C1QL3: variants seen among roughly 807,000 people sequenced by gnomAD.
C1QL3 encodes the protein complement C1q-like protein 3.
In C1QL3, 4 loss-of-function variants were observed where a neutral mutation model predicts 16.6. That is an observed-to-expected ratio of 0.24 (90% CI 0.12 to 0.55). The LOEUF is 0.55. Among genes scored for constraint, C1QL3 ranks in the 20% least tolerant of loss-of-function variants. The probability of loss-of-function intolerance (pLI) is 0.94; values close to 1 mark genes in which losing one functional copy is unlikely to be tolerated. For synonymous variants in C1QL3, 189 were observed against 160.2 expected (o/e 1.18, Z -1.36); for missense variants, 269 against 365.6 (o/e 0.74, Z 2.16).
Position 16,521,761 on chromosome 10 carries a change from C to G in C1QL3, c.-696G>C, listed in dbSNP as rs1397344448. The G allele has an allele frequency of 6.5e-6, 1 of 153,630 alleles. No individual in the cohort carries two copies. The highest frequency in any genetic ancestry group is 1.5e-5 in the Non-Finnish European group (1 of 68,964). The allele number at this position is 153,630 out of a possible 1,614,324, so 9.5% of individuals were successfully genotyped here. On this transcript the variant is annotated 5_prime_UTR_variant, in exon 1 of 2. Coordinates refer to ENST00000298943, the MANE Select transcript of C1QL3 (RefSeq NM_001010908.2). ...GGCGGGCACGGTCGGCACGGCGAGG[C>G]TCAGAGCTGGGGCGGAGGAGCGAGC...
chr10:16,514,630 C>T lies in C1QL3; in HGVS notation c.666G>A (p.Glu222=), dbSNP rs1200012308. 6.2e-7 allele frequency: 1 copy of T among 1,613,942 alleles called. No individual in the cohort carries two copies. Among genetic ancestry groups the T allele is most frequent in the South Asian group, 1.1e-5 (1 of 91,078 alleles). ...YASNSVVLHL[E]PGDEVYIKLD... is the part of the protein sequence containing the mutation. ...ATTTGATATAGACTTCATCTCCCGG[C>T]TCCAAATGAAGAACCACACTGTTAC... Residue 222 remains glutamate, a synonymous_variant, in exon 2 of 2, where the codon GAG becomes GAA. Transcript: ENST00000298943.
intron 1 of C1QL3, among the ~76,000 whole-genome samples, chr10:16,517,460 G>T (rs942054423): frequency 6.6e-6 from 1 of 152,002 alleles, no homozygotes; most frequent in Non-Finnish European, 1.5e-5. Flanking sequence ...GTTTTCATTC[G>T]AGTGGCTTAT....
intron 1 of C1QL3, among the ~76,000 whole-genome samples, chr10:16,516,527 A>G (rs1182891771): frequency 6.6e-6 from 1 of 152,068 alleles, no homozygotes; most frequent in African/African-American, 2.4e-5. Context: ...CCCATAATAT[A>G]CTCCTCAGCT....
chr10:16,521,082 C>G lies in C1QL3; in HGVS notation c.-17G>C. 6.3e-7 allele frequency: 1 copy of G among 1,587,846 alleles called. No individual in the cohort carries two copies. The highest frequency in any genetic ancestry group is 8.5e-7 in the Non-Finnish European group (1 of 1,173,474). On this transcript the variant is annotated 5_prime_UTR_variant, in exon 1 of 2. Coordinates refer to ENST00000298943, the MANE Select transcript of C1QL3 (RefSeq NM_001010908.2). ...CAGCACCATCACCACCCCCAGCGCC[C>G]CGGCGGCGATCAGGCGCCTCCTGCT... is the stretch of plus-strand genomic sequence containing the variant.
In C1QL3 at chr10:16,520,731, G is replaced by A; in HGVS notation, c.335C>T (p.Ala112Val). 1.3e-6 allele frequency: 2 copies of A among 1,506,280 alleles called. No homozygotes were observed. The highest frequency in any genetic ancestry group is 8.9e-7 in the Non-Finnish European group (1 of 1,125,224). 93.3% of individuals were successfully genotyped at this position (1,506,280 alleles called of 1,614,324 possible). The change falls in exon 1 of 2, where the codon GCG becomes GTG. Residue 112 changes from alanine (A) to valine (V), a missense_variant. Ala to Val is a moderately conservative substitution (Grantham distance 64, BLOSUM62 0). This residue lies in a region of C1QL3 where 246 missense variants were observed against 297.2 expected (regional missense o/e 0.83). Transcript: ENST00000298943. This position sits in a 1 kb window ranked among gnomAD's most constrained non-coding sequence, Gnocchi z 8.3. Reference sequence around the variant, plus strand: ...GGTGGCGGCGCTGATGGCCCCGGCCGCGTTCAGGCCGGGCGCCCCGGGCGG... The same window carrying A: ...GGTGGCGGCGCTGATGGCCCCGGCCACGTTCAGGCCGGGCGCCCCGGGCGG... ...PGPPGAPGLN[A>V]AGAISAATYS...
Position 16,514,144 on chromosome 10 carries a change from C to T in C1QL3, c.*384G>A. On this transcript the variant is annotated 3_prime_UTR_variant, in exon 2 of 2. Coordinates refer to ENST00000298943, the MANE Select transcript of C1QL3 (RefSeq NM_001010908.2). ...CCAAGTATCATAATAAGCAGGTAAA[C>T]TCACAAGAACCAAAGCTGACATATG... is the stretch of plus-strand genomic sequence containing the variant. 2.5e-6 allele frequency: 1 copy of T among 398,104 alleles called. No homozygotes were observed. The highest frequency in any genetic ancestry group is 3.6e-5 in the East Asian group (1 of 28,044). 24.7% of individuals were successfully genotyped at this position (398,104 alleles called of 1,614,324 possible). A position where few individuals can be genotyped will look rare whatever the true frequency, so the allele number is the denominator to read the frequency against.
chr10:16,520,472 G>T lies in C1QL3; in HGVS notation c.588+6C>A, dbSNP rs1166406943. 2 of 1,066,934 alleles carry T rather than the reference G, an allele frequency of 1.9e-6. No homozygotes were observed. Among genetic ancestry groups the T allele is most frequent in the Non-Finnish European group, 2.6e-6 (2 of 766,676 alleles). The allele number at this position is 1,066,934 out of a possible 1,614,324, so 66.1% of individuals were successfully genotyped here. A position where few individuals can be genotyped will look rare whatever the true frequency, so the allele number is the denominator to read the frequency against. On this transcript the variant is annotated splice_donor_region_variant and intron_variant, in intron 1 of 1. Transcript: ENST00000298943. The surrounding 1 kb of genome is among the most constrained non-coding windows in gnomAD (Gnocchi z 8.3). ...CCCGCCCTCCCCGCCGCCCGCCCGCGCTCACCTGGTTGTTTTTGCAGAGAT... is the reference window on the plus strand; with the variant it reads ...CCCGCCCTCCCCGCCGCCCGCCCGCTCTCACCTGGTTGTTTTTGCAGAGAT...
Position 16,520,441 on chromosome 10 carries a change from T to TCCCCACCCCC in C1QL3, c.588+36_588+37insGGGGGTGGGG. 8.1e-7 allele frequency: 1 copy of TCCCCACCCCC among 1,227,530 alleles called. No individual in the cohort carries two copies. The highest frequency in any genetic ancestry group is 1.1e-6 in the Non-Finnish European group (1 of 881,042). The allele number at this position is 1,227,530 out of a possible 1,614,324, so 76.0% of individuals were successfully genotyped here. A position where few individuals can be genotyped will look rare whatever the true frequency, so the allele number is the denominator to read the frequency against. ...CCCTCTCGCCCGCACCTTCCCGCGC[T>TCCCCACCCCC]CCCTCCCCGCCCTCCCCGCCGCCCG... On this transcript the variant is annotated intron_variant, in intron 1 of 1. Transcript: ENST00000298943. This position sits in a 1 kb window ranked among gnomAD's most constrained non-coding sequence, Gnocchi z 8.3.
rs755247100 is a variant in C1QL3 at position 16,520,909 on chromosome 10, G to T, written c.157C>A (p.Gln53Lys). Residue 53 changes from glutamine (Q) to lysine (K), a missense_variant, in exon 1 of 2, where the codon CAG (glutamine) becomes AAG (lysine). Physicochemically the swap from Gln to Lys is moderately conservative, Grantham distance 53. Coordinates refer to ENST00000298943, the MANE Select transcript of C1QL3 (RefSeq NM_001010908.2). This position sits in a 1 kb window ranked among gnomAD's most constrained non-coding sequence, Gnocchi z 8.3. ...TAATPDRGLM[Q>K]SLPTFIQGPK... is the part of the protein sequence containing the mutation. ...CCCTGGATGAAGGTGGGCAGGGACT[G>T]CATGAGGCCGCGGTCGGGCGTGGCA... 1.3e-5 allele frequency: 20 copies of T among 1,556,862 alleles called. No homozygotes were observed. Among genetic ancestry groups the T allele is most frequent in the Admixed American group, 1.9e-5 (1 of 53,712 alleles).
intron 1 of C1QL3, among the ~76,000 whole-genome samples, chr10:16,516,445 T>C (rs902926787): frequency 6.6e-6 from 1 of 152,186 alleles, no homozygotes; most frequent in African/African-American, 2.4e-5. Flanking sequence ...TTCTCATCTT[T>C]GGATTTTTAA....
At chr10:16,519,727 C>T (rs1436712796) in intron 1 of C1QL3, among the ~76,000 whole-genome samples, 3 of 152,132 alleles carry the variant, frequency 2.0e-5, no homozygotes, top group Admixed American at 6.6e-5. Context: ...CCTGCCTGAG[C>T]GTCCTCCGAC....
chr10:16,519,743 A>G (rs1431177485), intron 1 of C1QL3, among the ~76,000 whole-genome samples: 2 of 151,936 alleles, frequency 1.3e-5, no homozygotes, highest in Non-Finnish European at 2.9e-5. Context: ...CCGACTCCAT[A>G]GAGAGTTTGG....
At chr10:16,515,641 G>C (rs976553871) in intron 1 of C1QL3, among the ~76,000 whole-genome samples, 9 of 152,136 alleles carry the variant, frequency 5.9e-5, no homozygotes, top group African/African-American at 2.2e-4. Flanking sequence ...CAGTCAAATT[G>C]CCTATCATCT....
Position 16,521,066 on chromosome 10 carries a change from C to G in C1QL3, c.-1G>C. 6.3e-7 allele frequency: 1 copy of G among 1,595,938 alleles called. No individual in the cohort carries two copies. The highest frequency in any genetic ancestry group is 8.5e-7 in the Non-Finnish European group (1 of 1,176,806). On this transcript the variant is annotated 5_prime_UTR_variant, in exon 1 of 2. Coordinates refer to ENST00000298943, the MANE Select transcript of C1QL3 (RefSeq NM_001010908.2). ...TGAGGATCACCAGCAGCAGCACCAT[C>G]ACCACCCCCAGCGCCCCGGCGGCGA...
intron 1 of C1QL3, 121 bp from the exon 2 acceptor site, chr10:16,514,828 T>C (rs537088179): frequency 2.8e-6 from 2 of 705,310 alleles, no homozygotes; most frequent in East Asian, 5.4e-5. Flanking sequence ...CATAGCAAAG[T>C]CCATGTTGAC....
Position 16,514,502 on chromosome 10 carries a change from GAAT to G in C1QL3, c.*23_*25del. The G allele has an allele frequency of 1.2e-6, 2 of 1,600,156 alleles. No homozygotes were observed. The highest frequency in any genetic ancestry group is 1.1e-5 in the South Asian group (1 of 89,358). On this transcript the variant is annotated 3_prime_UTR_variant, in exon 2 of 2. Transcript: ENST00000298943. Reference sequence around the variant, plus strand: ...CATACGAATCCAGTGTTCAAACTCAGAATAATAAGCTTAGTTTCTGCATTATCA... The same window carrying G: ...CATACGAATCCAGTGTTCAAACTCAGAATAAGCTTAGTTTCTGCATTATCA...
chr10:16,520,885 C>T lies in C1QL3; in HGVS notation c.181G>A (p.Gly61Ser). The T allele has an allele frequency of 6.6e-7, 1 of 1,515,944 alleles. No individual in the cohort carries two copies. Among genetic ancestry groups the T allele is most frequent in the Non-Finnish European group, 8.8e-7 (1 of 1,139,188 alleles). The allele number at this position is 1,515,944 out of a possible 1,614,324, so 93.9% of individuals were successfully genotyped here. A position where few individuals can be genotyped will look rare whatever the true frequency, so the allele number is the denominator to read the frequency against. ...GGCCTGCCGGCCTCGCCTTTGGGGC[C>T]CTGGATGAAGGTGGGCAGGGACTGC... is the stretch of plus-strand genomic sequence containing the variant. ...LMQSLPTFIQ[G>S]PKGEAGRPGK... The change falls in exon 1 of 2, where the codon GGC becomes AGC. Residue 61 changes from glycine to serine, a missense_variant. This residue lies in a region of C1QL3 where 246 missense variants were observed against 297.2 expected (regional missense o/e 0.83). Coordinates refer to ENST00000298943, the MANE Select transcript of C1QL3 (RefSeq NM_001010908.2). The surrounding 1 kb of genome is among the most constrained non-coding windows in gnomAD (Gnocchi z 8.3).
At position 16,520,856 on chromosome 10, in the gene C1QL3, C is replaced by A; in HGVS notation, c.210G>T (p.Gly70=). 1 of 1,443,322 alleles carries A rather than the reference C, an allele frequency of 6.9e-7. No individual in the cohort carries two copies. The highest frequency in any genetic ancestry group is 1.5e-5 in the African/African-American group (1 of 67,674). The allele number at this position is 1,443,322 out of a possible 1,614,324, so 89.4% of individuals were successfully genotyped here. A position where few individuals can be genotyped will look rare whatever the true frequency, so the allele number is the denominator to read the frequency against. ...QGPKGEAGRP[G]KAGPRGPPGE... Reference sequence around the variant, plus strand: ...CGGGGGGCCCGCGCGGACCCGCCTTCCCGGGCCTGCCGGCCTCGCCTTTGG... The same window carrying A: ...CGGGGGGCCCGCGCGGACCCGCCTTACCGGGCCTGCCGGCCTCGCCTTTGG... The change falls in exon 1 of 2, where the codon GGG becomes GGT. Residue 70 remains glycine (G), a synonymous_variant. Coordinates refer to ENST00000298943, the MANE Select transcript of C1QL3 (RefSeq NM_001010908.2). The surrounding 1 kb of genome is among the most constrained non-coding windows in gnomAD (Gnocchi z 8.3).
Position 16,520,336 on chromosome 10 carries a change from C to T in C1QL3, c.588+142G>A, listed in dbSNP as rs1837020636. On this transcript the variant is annotated intron_variant, in intron 1 of 1. Transcript: ENST00000298943. The surrounding 1 kb of genome is among the most constrained non-coding windows in gnomAD (Gnocchi z 8.3). ...CCGCCTCTCCAGGGTGGGACGGCGT[C>T]CCCCCTTGCCGTCGCTCCAGGGAGC... The T allele has an allele frequency of 3.1e-6, 2 of 640,520 alleles. No homozygotes were observed. Among genetic ancestry groups the T allele is most frequent in the South Asian group, 2.0e-5 (1 of 49,596 alleles). 39.7% of individuals were successfully genotyped at this position (640,520 alleles called of 1,614,324 possible). A position where few individuals can be genotyped will look rare whatever the true frequency, so the allele number is the denominator to read the frequency against.
Sources: gnomAD v4.1 joint callset for allele counts (sites outside exome capture counted in the v4.1 genomes callset) on GRCh38, gnomAD v4.1.1 for gene constraint, gnomAD v4.1.1 regional missense constraint, Gnocchi (gnomAD v3.1) non-coding constraint, MANE v1.5 for transcripts, NCBI Gene and HGNC (gene_info 2026-07-23, HGNC 2026-07-21) for gene names.